The following AGBL1 variants were observed in gnomAD, a reference collection of about 807,000 sequenced individuals.
AGBL1 encodes AGBL carboxypeptidase 1, also known as cytosolic carboxypeptidase 4.
AGBL1 carries 130 observed loss-of-function variants against 118.9 expected under a neutral mutation model. The observed-to-expected ratio is 1.09, with a 90% CI of 0.95 to 1.26. AGBL1 has a LOEUF of 1.26. Among genes scored for constraint, AGBL1 ranks in the 50% most tolerant of loss-of-function variants. AGBL1 has a pLI of 0.00. For synonymous variants in AGBL1, 555 were observed against 478.9 expected (o/e 1.16, Z -2.08); for missense variants, 1,584 against 1,298.1 (o/e 1.22, Z -3.38).
At chr15:86,289,644 A>C (rs968339793) in intron 16 of AGBL1, among the ~76,000 whole-genome samples, 1 of 152,156 alleles carries the variant, frequency 6.6e-6, no homozygotes, top group Non-Finnish European at 1.5e-5. Flanking sequence ...TCCTTGGCTC[A>C]TGGTACCTCC....
intron 24 of AGBL1, among the ~76,000 whole-genome samples, chr15:87,022,563 C>A (rs2081676884): frequency 6.6e-6 from 1 of 152,036 alleles, no homozygotes; most frequent in Non-Finnish European, 1.5e-5. Flanking sequence ...CTTCCCTGGC[C>A]TTGCTAGAGA....
intron 22 of AGBL1, among the ~76,000 whole-genome samples, chr15:86,686,673 G>A (rs147560664): frequency 1.4e-4 from 21 of 152,030 alleles, no homozygotes; most frequent in African/African-American, 3.4e-4. Flanking sequence ...TCCTAACCTC[G>A]TGATCTGCCT....
intron 22 of AGBL1, among the ~76,000 whole-genome samples, chr15:86,728,832 C>T (rs2077489909): frequency 6.6e-6 from 1 of 152,006 alleles, no homozygotes; most frequent in African/African-American, 2.4e-5. Flanking sequence ...ATAAAATGGG[C>T]CCATTCCACC....
At chr15:86,306,434 T>C (rs544936767) in intron 17 of AGBL1, among the ~76,000 whole-genome samples, 1 of 152,328 alleles carries the variant, frequency 6.6e-6, no homozygotes, top group Admixed American at 6.5e-5. Flanking sequence ...TGTGTCTGGC[T>C]TATTTCATGT....
intron 24 of AGBL1, among the ~76,000 whole-genome samples, chr15:87,027,048 G>A (rs1340244380): frequency 6.6e-6 from 1 of 151,944 alleles, no homozygotes; most frequent in African/African-American, 2.4e-5. Context: ...TACTGCTTGG[G>A]TGATGGGTGC....
chr15:86,545,942 G>T, intron 19 of AGBL1, 60 bp from the exon 20 acceptor site: 7 of 1,569,306 alleles, frequency 4.5e-6, no homozygotes, highest in Non-Finnish European at 4.3e-6. Context: ...CGATTTAAGT[G>T]GATTTAAGAA....
chr15:86,403,261 C>G (rs1484896685), intron 18 of AGBL1, among the ~76,000 whole-genome samples: 3 of 152,260 alleles, frequency 2.0e-5, no homozygotes, highest in Non-Finnish European at 4.4e-5. Context: ...CACAGCCTAA[C>G]ATTTTATTTA....
chr15:86,352,035 G>C (rs2080635366), intron 17 of AGBL1, among the ~76,000 whole-genome samples: 2 of 152,068 alleles, frequency 1.3e-5, no homozygotes, highest in African/African-American at 2.4e-5. Context: ...ACAACATTAC[G>C]GACACTGGGG....
chr15:86,338,187 G>C (rs1472739425), intron 17 of AGBL1, among the ~76,000 whole-genome samples: 2 of 152,194 alleles, frequency 1.3e-5, no homozygotes, highest in Non-Finnish European at 1.5e-5. Context: ...GTAACAGTTG[G>C]AGGAGAGAGA....
At chr15:86,883,917 T>C (rs1463560986) in intron 22 of AGBL1, among the ~76,000 whole-genome samples, 1 of 152,156 alleles carries the variant, frequency 6.6e-6, no homozygotes, top group Non-Finnish European at 1.5e-5. Context: ...GTCCCTCCTT[T>C]CCATGAGGGA....
intron 17 of AGBL1, among the ~76,000 whole-genome samples, chr15:86,370,069 T>G (rs967422190): frequency 2.6e-5 from 4 of 152,172 alleles, no homozygotes; most frequent in African/African-American, 9.7e-5. Flanking sequence ...TAAAAAATAT[T>G]TAGAAACTTG....
intron 23 of AGBL1, among the ~76,000 whole-genome samples, chr15:86,965,901 T>A (rs927894144): frequency 6.6e-6 from 1 of 151,978 alleles, no homozygotes; most frequent in Non-Finnish European, 1.5e-5. Flanking sequence ...ATACCTAATG[T>A]AGATGACGGG....
chr15:86,480,403 C>T (rs2142122042), intron 18 of AGBL1, among the ~76,000 whole-genome samples: 1 of 152,018 alleles, frequency 6.6e-6, no homozygotes, highest in South Asian at 2.1e-4. Context: ...CTCTTAAATG[C>T]TTATGTTAGA....
chr15:86,282,195 A>G (rs906876148), intron 16 of AGBL1, among the ~76,000 whole-genome samples: 1 of 152,170 alleles, frequency 6.6e-6, no homozygotes, highest in Non-Finnish European at 1.5e-5. Flanking sequence ...TGGGGGGTCA[A>G]TGAGGAGAAG....
At chr15:86,203,980 G>A (rs1225697853) in intron 5 of AGBL1, among the ~76,000 whole-genome samples, 1 of 152,138 alleles carries the variant, frequency 6.6e-6, no homozygotes, top group African/African-American at 2.4e-5. Flanking sequence ...TATTTATGTT[G>A]CACTCTTGGC....
rs750776485 is a variant in AGBL1, at chr15:86,508,086, A to AT, written c.2556-14724_2556-14723insT. On this transcript the variant is annotated intron_variant, in intron 18 of 22. Coordinates refer to ENST00000614907, the MANE Select transcript of AGBL1 (RefSeq NM_001386094.1). ...GTGGCACGAGCCACCATGCCCAGCT[A>AT]ATTTTTTTTGTATTTTTAGTAGAGA... 1.4e-4 allele frequency among the ~76,000 whole-genome samples: 21 copies of AT among 145,078 alleles called. No homozygotes were observed. The East Asian group carries it at 3.3e-3, about 23-fold the overall frequency.
intron 18 of AGBL1, among the ~76,000 whole-genome samples, chr15:86,511,781 A>T (rs996505346): frequency 2.0e-5 from 3 of 151,928 alleles, no homozygotes; most frequent in African/African-American, 4.8e-5. Context: ...ACAGCTTTTG[A>T]TACTCACCTG....
rs143565218 is a variant in AGBL1 at position 86,095,858 on chromosome 15, C to T, written c.51+15835C>T. Among the ~76,000 whole-genome samples, 14 of 151,902 alleles carry T rather than the reference C, an allele frequency of 9.2e-5. No homozygotes were observed. In the East Asian group the frequency reaches 2.5e-3, roughly 27 times the overall value. On this transcript the variant is annotated intron_variant, in intron 1 of 22. Transcript: ENST00000614907. ...GACATGGGCTTAAATCTTGGCTTTG[C>T]TATTAATTGGCTATGTGACCTTAGG...
At chr15:86,709,858 A>G (rs2086522698) in intron 22 of AGBL1, among the ~76,000 whole-genome samples, 1 of 152,170 alleles carries the variant, frequency 6.6e-6, no homozygotes, top group African/African-American at 2.4e-5. Context: ...CCCATAGTAA[A>G]TGCTTAATGA....
Sources: allele counts gnomAD v4.1 joint callset (sites outside exome capture counted in the v4.1 genomes callset), GRCh38; gene constraint gnomAD v4.1.1; transcripts MANE v1.5; gene names NCBI Gene and HGNC (gene_info 2026-07-23, HGNC 2026-07-21).